The following DOP1A variants were observed in gnomAD, a reference collection of about 807,000 sequenced individuals.
The protein encoded by DOP1A is DOP1 leucine zipper like protein A.
In DOP1A, 90 loss-of-function variants were observed where a neutral mutation model predicts 267.6. That is an observed-to-expected ratio of 0.34 (90% confidence interval 0.28 to 0.40). The LOEUF (loss-of-function observed/expected upper bound fraction) is 0.40. Among genes scored for constraint, DOP1A ranks in the 10% least tolerant of loss-of-function variants. The pLI is 1.00. For synonymous variants in DOP1A, 932 were observed against 999.1 expected (o/e 0.93, Z 1.27); for missense variants, 2,437 against 2,900.4 (o/e 0.84, Z 3.67).
intron 1 of DOP1A, among the ~76,000 whole-genome samples, chr6:83,079,769 A>G (rs927694955): frequency 6.6e-6 from 1 of 152,158 alleles, no homozygotes; most frequent in Non-Finnish European, 1.5e-5. Context: ...AAGCAAAATC[A>G]TTGTCATTAA....
At chr6:83,113,554 C>A (rs1316209893) in intron 7 of DOP1A, 133 bp downstream of exon 7, 6 of 642,866 alleles carry the variant, frequency 9.3e-6, no homozygotes, top group Non-Finnish European at 1.3e-5. Flanking sequence ...AAAATAAGTT[C>A]CTTCTTAAGG....
chr6:83,137,864 A>C lies in DOP1A; in HGVS notation c.3822A>C (p.Glu1274Asp). The C allele has an allele frequency of 6.2e-7, 1 of 1,613,488 alleles. No homozygotes were observed. The highest frequency in any genetic ancestry group is 2.2e-5 in the East Asian group (1 of 44,858). The stretch of plus-strand genomic sequence containing the variant: ...GTAGTATTCAATTCAGCTTCAAAGA[A>C]AAATTATCAGAAAAAGTTTCGGAGA... ...SHSSIQFSFK[E>D]KLSEKVSEKE... The change falls in exon 21 of 39, where the codon GAA (glutamate) becomes GAC (aspartate). Residue 1274 changes from glutamate to aspartate, a missense_variant. Physicochemically the swap from Glu to Asp is conservative, Grantham distance 45 (BLOSUM62 2). This residue lies in a region of DOP1A where 878 missense variants were observed against 992.9 expected (regional missense o/e 0.88). Transcript: ENST00000349129.
At position 83,155,799 on chromosome 6, in the gene DOP1A, C is replaced by T. The variant is rs1583158224; in HGVS notation, c.6452-152C>T. 17 of 835,510 alleles carry T rather than the reference C, an allele frequency of 2.0e-5. No individual in the cohort carries two copies. In the East Asian group the frequency reaches 4.3e-4, roughly 21 times the overall value. The allele number at this position is 835,510 out of a possible 1,614,324, so 51.8% of individuals were successfully genotyped here. ...GGCTTATATACGTTGGATCTGTTTG[C>T]CAGCCTGTCTGCCCCAGAGAGGGGC... On this transcript the variant is annotated intron_variant, in intron 33 of 38. Transcript: ENST00000349129.
rs993603698 is a variant in DOP1A at position 83,130,221 on chromosome 6, G to C, written c.2440G>C (p.Val814Leu). The change falls in exon 17 of 39, where the codon GTT becomes CTT. Residue 814 changes from valine (V) to leucine (L), a missense_variant. Val to Leu is a conservative substitution (Grantham distance 32, BLOSUM62 1). This residue lies in a region of DOP1A where 878 missense variants were observed against 992.9 expected (regional missense o/e 0.88). Coordinates refer to ENST00000349129, the MANE Select transcript of DOP1A (RefSeq NM_015018.4). ...TGTTCAGAGTGTTGCTATTTCACTA[G>C]TTATGGACCTGGTGGGACTGACACA... is the stretch of plus-strand genomic sequence containing the variant. Reference protein sequence around the residue: ...FSVQSVAISLVMDLVGLTQSV... With the variant: ...FSVQSVAISLLMDLVGLTQSV... 1 of 1,614,086 alleles carries C rather than the reference G, an allele frequency of 6.2e-7. No homozygotes were observed.
At chr6:83,087,141 T>C (rs768474377) in intron 1 of DOP1A, among the ~76,000 whole-genome samples, 9 of 152,138 alleles carry the variant, frequency 5.9e-5, no homozygotes, top group African/African-American at 1.9e-4. Flanking sequence ...TAGGTGAAGA[T>C]AGGTTACAGA....
At chr6:83,153,295 A>T in intron 30 of DOP1A, 3 of 331,952 alleles carry the variant, frequency 9.0e-6, no homozygotes. Context: ...TCAGTTGGAA[A>T]TGGCAAGATT....
intron 24 of DOP1A, 26 bp from the exon 25 acceptor site, chr6:83,145,498 C>T: frequency 6.4e-7 from 1 of 1,553,232 alleles, no homozygotes; most frequent in South Asian, 1.2e-5. Flanking sequence ...TACATACATA[C>T]ATACATACAA....
At chr6:83,099,615 G>A (rs1772163041) in intron 3 of DOP1A, among the ~76,000 whole-genome samples, 1 of 151,568 alleles carries the variant, frequency 6.6e-6, no homozygotes. Context: ...ATAACTCAAA[G>A]AAGAATACCC....
chr6:83,128,895 A>G lies in DOP1A; in HGVS notation c.1728A>G (p.Ser576=). 3 of 1,521,992 alleles carry G rather than the reference A, an allele frequency of 2.0e-6. No individual in the cohort carries two copies. Among genetic ancestry groups the G allele is most frequent in the East Asian group, 2.3e-5 (1 of 43,986 alleles). 94.3% of individuals were successfully genotyped at this position (1,521,992 alleles called of 1,614,324 possible). A position where few individuals can be genotyped will look rare whatever the true frequency, so the allele number is the denominator to read the frequency against. Residue 576 remains serine, a synonymous_variant, in exon 16 of 39, where the codon TCA becomes TCG. Transcript: ENST00000349129. ...VKEWEDKKVS[S]VSHENPTEVF... is the part of the protein sequence containing the mutation. ...TTAAAAATCTCTAACAGGTATCATC[A>G]GTTTCTCATGAAAATCCTACTGAAG...
rs749690774 is a variant in DOP1A at position 83,153,948 on chromosome 6, T to C, written c.6294T>C (p.Ser2098=). 5.0e-6 allele frequency: 8 copies of C among 1,614,060 alleles called. No homozygotes were observed. In the East Asian group the frequency reaches 1.1e-4, roughly 22 times the overall value. The change falls in exon 32 of 39, where the codon AGT becomes AGC. Residue 2098 remains serine (S), a synonymous_variant. Coordinates refer to ENST00000349129, the MANE Select transcript of DOP1A (RefSeq NM_015018.4). ...RACVQLLSSL[S]GYQYTRRAWK... ...GTGTCCAGCTGCTCAGCAGTCTTAGTGGGTATCAGTACACACGGAGAGCTT... is the reference window on the plus strand; with the variant it reads ...GTGTCCAGCTGCTCAGCAGTCTTAGCGGGTATCAGTACACACGGAGAGCTT...
chr6:83,162,634 G>C (rs1030633938), intron 37 of DOP1A, among the ~76,000 whole-genome samples, 156 bp from the exon 38 acceptor site: 2 of 152,136 alleles, frequency 1.3e-5, no homozygotes, highest in African/African-American at 4.8e-5. Flanking sequence ...GAGAGGTTAA[G>C]AAACATACCC....
chr6:83,167,845 C>A lies in DOP1A; in HGVS notation c.7093-17C>A. On this transcript the variant is annotated splice_polypyrimidine_tract_variant and intron_variant, in intron 38 of 38. Transcript: ENST00000349129. Reference sequence around the variant, plus strand: ...TGTCTGTTGTATTAATACCAGTTCACTTTTTGTTTTCTGCAGAAAAATCCA... The same window carrying A: ...TGTCTGTTGTATTAATACCAGTTCAATTTTTGTTTTCTGCAGAAAAATCCA... 6.3e-7 allele frequency: 1 copy of A among 1,592,954 alleles called. No individual in the cohort carries two copies. Among genetic ancestry groups the A allele is most frequent in the Non-Finnish European group, 8.6e-7 (1 of 1,168,906 alleles).
At position 83,145,444 on chromosome 6, in the gene DOP1A, A is replaced by G. The variant is rs190967598; in HGVS notation, c.5542-80A>G. On this transcript the variant is annotated intron_variant, in intron 24 of 38. Transcript: ENST00000349129. ...TTTAAAAAATATAAAAAAAGAAGAG[A>G]TCATAAAATACTCTCTTCTGTAACT... The G allele has an allele frequency of 4.9e-6, 6 of 1,234,556 alleles. No individual in the cohort carries two copies. In the East Asian group the frequency reaches 1.7e-4, roughly 34 times the overall value. The allele number at this position is 1,234,556 out of a possible 1,614,324, so 76.5% of individuals were successfully genotyped here.
chr6:83,100,536 T>C (rs1469724711), intron 3 of DOP1A, among the ~76,000 whole-genome samples, 169 bp from the exon 4 acceptor site: 1 of 152,220 alleles, frequency 6.6e-6, no homozygotes, highest in Non-Finnish European at 1.5e-5. Flanking sequence ...TAATAAAGTT[T>C]GTAACATTTC....
Position 83,091,108 on chromosome 6 carries a change from T to TA in DOP1A, c.-146-5609dup, listed in dbSNP as rs771595947. Among the ~76,000 whole-genome samples, 342 of 133,592 alleles carry TA rather than the reference T, an allele frequency of 2.6e-3. 4 individuals are homozygous for TA. Among genetic ancestry groups the TA allele is most frequent in the Non-Finnish European group, 3.1e-3 (188 of 61,306 alleles). 87.6% of individuals were successfully genotyped at this position (133,592 alleles called of 152,430 possible). A position where few individuals can be genotyped will look rare whatever the true frequency, so the allele number is the denominator to read the frequency against. On this transcript the variant is annotated intron_variant, in intron 1 of 38. Coordinates refer to ENST00000349129, the MANE Select transcript of DOP1A (RefSeq NM_015018.4). ...ATGGCAGCAGGCAAAGGAAAAAAAT[T>TA]AAAAAAAAAAAAAAGCTTGTACAGG...
rs1051619675 is a variant in DOP1A at position 83,125,672 on chromosome 6, G to A, written c.1658G>A (p.Gly553Glu). ...VQPPLLSASTGGVLQFPSGQN... is the reference protein window; with the variant it reads ...VQPPLLSASTEGVLQFPSGQN... ...CCTCCACTGTTATCTGCTAGCACTGGAGGTGTTTTGCAGTTTCCAAGTGGG... is the reference window on the plus strand; with the variant it reads ...CCTCCACTGTTATCTGCTAGCACTGAAGGTGTTTTGCAGTTTCCAAGTGGG... Residue 553 changes from glycine (G) to glutamate (E), a missense_variant, in exon 15 of 39, where the codon GGA becomes GAA. Coordinates refer to ENST00000349129, the MANE Select transcript of DOP1A (RefSeq NM_015018.4). The A allele has an allele frequency of 1.2e-6, 2 of 1,613,568 alleles. No individual in the cohort carries two copies. The highest frequency in any genetic ancestry group is 1.7e-6 in the Non-Finnish European group (2 of 1,179,748).
In DOP1A at chr6:83,138,955, G is replaced by A. The variant is rs1472983932; in HGVS notation, c.4913G>A (p.Gly1638Asp). 2.5e-6 allele frequency: 4 copies of A among 1,613,924 alleles called. No individual in the cohort carries two copies. In the Admixed American group the frequency reaches 6.7e-5, roughly 27 times the overall value. Residue 1638 changes from glycine (G) to aspartate (D), a missense_variant, in exon 21 of 39, where the codon GGC (glycine) becomes GAC (aspartate). Gly to Asp is a moderately conservative substitution (Grantham distance 94). Coordinates refer to ENST00000349129, the MANE Select transcript of DOP1A (RefSeq NM_015018.4). ...YLHAQPITCQ[G>D]MFLCAVIRAL... is the part of the protein sequence containing the mutation. Reference sequence around the variant, plus strand: ...CATGCTCAGCCAATCACATGTCAAGGCATGTTCCTCTGTGCAGTGATACGA... The same window carrying A: ...CATGCTCAGCCAATCACATGTCAAGACATGTTCCTCTGTGCAGTGATACGA...
At chr6:83,158,705 A>ATAG (rs1272673099) in intron 36 of DOP1A, 83 bp downstream of exon 36, 2 of 942,424 alleles carry the variant, frequency 2.1e-6, no homozygotes, top group Non-Finnish European at 3.2e-6. Context: ...CTAGGAGAAT[A>ATAG]TAGTCTTTTT....
chr6:83,088,121 C>T (rs1459815594), intron 1 of DOP1A, among the ~76,000 whole-genome samples: 1 of 152,082 alleles, frequency 6.6e-6, no homozygotes, highest in Non-Finnish European at 1.5e-5. Flanking sequence ...ATCTACCCCT[C>T]TCGGTCTCCC....
Sources: gnomAD v4.1 joint callset for allele counts (sites outside exome capture counted in the v4.1 genomes callset) on GRCh38, gnomAD v4.1.1 for gene constraint, gnomAD v4.1.1 regional missense constraint, MANE v1.5 for transcripts, NCBI Gene and HGNC (gene_info 2026-07-23, HGNC 2026-07-21) for gene names.